Variants in ANO4 observed in about 807,000 individuals in gnomAD.
The protein encoded by ANO4 is anoctamin-4.
In ANO4, 69 loss-of-function variants were observed where a neutral mutation model predicts 141.9. The ratio of observed to expected loss-of-function variants is 0.49; its 90% CI spans 0.40 to 0.59. The LOEUF (loss-of-function observed/expected upper bound fraction) is 0.59, where lower values mean the gene tolerates loss of function less well. Among genes scored for constraint, ANO4 ranks in the 20% least tolerant of loss-of-function variants. The pLI is 0.00. For missense variants in ANO4, 894 were observed against 1,162.2 expected, an observed-to-expected ratio of 0.77 and a Z score of 3.36; for synonymous variants, 350 against 394.3, an observed-to-expected ratio of 0.89 and a Z score of 1.33.
At chr12:100,803,798 C>G (rs897039883) in intron 1 of ANO4, among the ~76,000 whole-genome samples, 2 of 152,092 alleles carry the variant, frequency 1.3e-5, no homozygotes, top group African/African-American at 4.8e-5. Flanking sequence ...ATGAAATAGT[C>G]CATGGAGAGC....
intron 9 of ANO4, among the ~76,000 whole-genome samples, chr12:101,034,795 G>A (rs1456136871): frequency 1.3e-5 from 2 of 152,022 alleles, no homozygotes; most frequent in African/African-American, 4.8e-5. Flanking sequence ...TATACAGATG[G>A]CAAACAGCAC....
intron 3 of ANO4, among the ~76,000 whole-genome samples, chr12:100,780,008 A>G (rs1455598359): frequency 1.3e-5 from 2 of 152,068 alleles, no homozygotes; most frequent in Non-Finnish European, 2.9e-5. Flanking sequence ...TTAACTTACA[A>G]ACTTTATTTT....
chr12:100,989,901 T>C (rs1225818764), intron 8 of ANO4, among the ~76,000 whole-genome samples: 1 of 150,816 alleles, frequency 6.6e-6, no homozygotes, highest in Admixed American at 6.6e-5. Context: ...GGTGGATGGA[T>C]GGATGGATGG....
At chr12:100,726,459 T>G (rs2031125216) in intron 1 of ANO4, among the ~76,000 whole-genome samples, 1 of 152,238 alleles carries the variant, frequency 6.6e-6, no homozygotes, top group Non-Finnish European at 1.5e-5. Context: ...TAAAAAGTCT[T>G]TGGTTGATTC....
rs148854649 is a variant in ANO4, at chr12:100,863,125, GGC to G, written c.-140-38520_-140-38519del. 5.2e-3 allele frequency among the ~76,000 whole-genome samples: 788 copies of G among 152,228 alleles called. 9 individuals carry two copies. Among genetic ancestry groups the G allele is most frequent in the African/African-American group, 0.018 (763 of 41,522 alleles). ...CAGGAGCTGAGGCAGGAGCATGCTT[GGC>G]AACTTCAAAGAAGAGGAAGCAGGCC... On this transcript the variant is annotated intron_variant, in intron 1 of 27. Coordinates refer to ENST00000392977, the MANE Select transcript of ANO4 (RefSeq NM_001286615.2).
In ANO4 at chr12:100,818,501, A is replaced by G. The variant is rs545281176; in HGVS notation, c.-141+23474A>G. On this transcript the variant is annotated intron_variant, in intron 1 of 27. Transcript: ENST00000392977. ...TAGCTCCTGATATTAAATAGTGTCA[A>G]TAATAATACTTTAGCAGTCATCTCT... Among the ~76,000 whole-genome samples the G allele has an allele frequency of 2.6e-5, 4 of 152,064 alleles. No individual in the cohort carries two copies. In the East Asian group the frequency reaches 7.8e-4, roughly 29 times the overall value.
chr12:101,066,653 C>T, intron 14 of ANO4: 1 of 587,812 alleles, frequency 1.7e-6, no homozygotes, highest in South Asian at 2.1e-5. Flanking sequence ...GGCTTTGCGT[C>T]CCCATCATGG....
intron 14 of ANO4, among the ~76,000 whole-genome samples, chr12:101,075,648 T>TAC (rs1294367414): frequency 6.8e-6 from 1 of 147,066 alleles, no homozygotes. Flanking sequence ...TATATATATA[T>TAC]ACACACACAC....
At chr12:101,077,603 T>C (rs1226288552) in intron 14 of ANO4, among the ~76,000 whole-genome samples, 3 of 152,224 alleles carry the variant, frequency 2.0e-5, no homozygotes, top group African/African-American at 7.2e-5. Flanking sequence ...ACTCAGAATC[T>C]TTCAGATTTT....
chr12:100,772,843 T>TA (rs2033355640), intron 3 of ANO4, among the ~76,000 whole-genome samples: 1 of 152,170 alleles, frequency 6.6e-6, no homozygotes, highest in Non-Finnish European at 1.5e-5. Flanking sequence ...AAGGAAGATG[T>TA]AAAAAATCAC....
At chr12:100,855,559 G>T (rs1196010355) in intron 1 of ANO4, among the ~76,000 whole-genome samples, 2 of 151,938 alleles carry the variant, frequency 1.3e-5, no homozygotes, top group African/African-American at 4.8e-5. Context: ...CTCTTGAATT[G>T]GTGTACTCTA....
At chr12:100,868,612 C>G (rs1235698164) in intron 1 of ANO4, among the ~76,000 whole-genome samples, 1 of 152,088 alleles carries the variant, frequency 6.6e-6, no homozygotes, top group Admixed American at 6.6e-5. Context: ...TTCAGCCACC[C>G]CCATCCCATT....
chr12:100,785,074 T>C (rs995074758), intron 3 of ANO4, among the ~76,000 whole-genome samples: 4 of 152,164 alleles, frequency 2.6e-5, no homozygotes, highest in African/African-American at 7.2e-5. Flanking sequence ...AAATTCAGTT[T>C]TGTTGTATTT....
chr12:100,829,159 G>A (rs562129313), intron 1 of ANO4, among the ~76,000 whole-genome samples: 3 of 152,066 alleles, frequency 2.0e-5, no homozygotes, highest in South Asian at 2.1e-4. Context: ...AAGCTGAATC[G>A]ACATATGTTA....
intron 9 of ANO4, among the ~76,000 whole-genome samples, chr12:101,028,240 T>C (rs1420051706): frequency 6.6e-6 from 1 of 151,894 alleles, no homozygotes; most frequent in Non-Finnish European, 1.5e-5. Context: ...AATGAAAAAA[T>C]GCTGAAAACC....
At chr12:101,005,424 A>G (rs1320396621) in intron 8 of ANO4, among the ~76,000 whole-genome samples, 1 of 152,216 alleles carries the variant, frequency 6.6e-6, no homozygotes, top group African/African-American at 2.4e-5. Context: ...GTCTGCATCA[A>G]GTACCAGTTC....
intron 14 of ANO4, 142 bp downstream of exon 14, chr12:101,048,543 A>G (rs1188174713): frequency 1.3e-5 from 9 of 704,672 alleles, no homozygotes; most frequent in Non-Finnish European, 2.1e-5. Flanking sequence ...TTGGTAAATA[A>G]TTTATTGGGT....
At chr12:100,865,177 T>G (rs929905227) in intron 1 of ANO4, among the ~76,000 whole-genome samples, 4 of 152,210 alleles carry the variant, frequency 2.6e-5, no homozygotes, top group African/African-American at 9.6e-5. Flanking sequence ...AAATGGTATT[T>G]CTGATTCTAG....
chr12:100,942,375 A>T lies in ANO4; in HGVS notation c.298-2A>T. On this transcript the variant is annotated splice_acceptor_variant, in intron 4 of 27. Coordinates refer to ENST00000392977, the MANE Select transcript of ANO4 (RefSeq NM_001286615.2). LOFTEE classifies it high-confidence loss of function. ...AACTGGTCCCTTTCTCTTTGTGTGCAGACAGTGCCAGAAAGAAACAAATCA... is the reference window on the plus strand; with the variant it reads ...AACTGGTCCCTTTCTCTTTGTGTGCTGACAGTGCCAGAAAGAAACAAATCA... 6.2e-7 allele frequency: 1 copy of T among 1,612,920 alleles called. No homozygotes were observed. Among genetic ancestry groups the T allele is most frequent in the Non-Finnish European group, 8.5e-7 (1 of 1,179,606 alleles).
Sources: gnomAD v4.1 joint callset for allele counts (sites outside exome capture counted in the v4.1 genomes callset) on GRCh38, gnomAD v4.1.1 for gene constraint, MANE v1.5 for transcripts, NCBI Gene and HGNC (gene_info 2026-07-23, HGNC 2026-07-21) for gene names.